Variants in DYNC2H1 observed in about 807,000 individuals in gnomAD.
The protein encoded by DYNC2H1 is cytoplasmic dynein 2 heavy chain 1.
A neutral mutation model predicts 570.0 loss-of-function variants in DYNC2H1; 410 were observed. The ratio of observed to expected loss-of-function variants is 0.72; its 90% CI spans 0.66 to 0.78. The LOEUF (loss-of-function observed/expected upper bound fraction) is 0.78. Ranked by LOEUF, DYNC2H1 falls within the 30% of genes least tolerant of loss-of-function variation. DYNC2H1 has a pLI of 0.00. For missense variants in DYNC2H1, 4,865 were observed against 5,046.4 expected, an observed-to-expected ratio of 0.96 and a Z score of 1.09; for synonymous variants, 1,688 against 1,677.6, an observed-to-expected ratio of 1.01 and a Z score of -0.15.
At chr11:103,208,214 A>G (rs972530528) in intron 52 of DYNC2H1, among the ~76,000 whole-genome samples, 2 of 152,112 alleles carry the variant, frequency 1.3e-5, no homozygotes, top group African/African-American at 4.8e-5. Flanking sequence ...TATTAGAGGG[A>G]TTATCTATAA....
In DYNC2H1 at chr11:103,200,081, A is replaced by G. The variant is rs1242035303; in HGVS notation, c.8124A>G (p.Val2708=). The G allele has an allele frequency of 5.7e-6, 9 of 1,590,174 alleles. No individual in the cohort carries two copies. The South Asian group carries it at 1.0e-4, about 18-fold the overall frequency. Residue 2708 remains valine (V), a synonymous_variant, in exon 50 of 89, where the codon GTA becomes GTG. Transcript: ENST00000375735. ...TTGCAGGAATTGAAGCACAACAGGT[A>G]GTTTTACTTCTTGAGGATTACCAGT... ...LQLAGIEAQQ[V]VLLLEDYQFV...
chr11:103,153,602 T>A, intron 22 of DYNC2H1, 94 bp downstream of exon 22: 1 of 1,123,992 alleles, frequency 8.9e-7, no homozygotes, highest in Non-Finnish European at 1.3e-6. Context: ...TCTTGATAAC[T>A]TTCCTCATAA....
At position 103,129,927 on chromosome 11, in the gene DYNC2H1, C is replaced by T. The variant is rs1268972873; in HGVS notation, c.1953+922C>T. 3.3e-5 allele frequency among the ~76,000 whole-genome samples: 5 copies of T among 152,088 alleles called. No individual in the cohort carries two copies. The highest frequency in any genetic ancestry group is 1.2e-4 in the African/African-American group (5 of 41,410). On this transcript the variant is annotated intron_variant, in intron 13 of 88. Coordinates refer to ENST00000375735, the MANE Select transcript of DYNC2H1 (RefSeq NM_001377.3). This position sits in a 1 kb window ranked among gnomAD's most constrained non-coding sequence, Gnocchi z 4.1. ...AGATTCTTTGATTTGCTCAGAGGAT[C>T]CACAGTACTCAGTGTATGGTCATAC...
intron 76 of DYNC2H1, 35 bp from the exon 77 acceptor site, chr11:103,304,560 G>T (rs1591549048): frequency 6.3e-7 from 1 of 1,598,972 alleles, no homozygotes; most frequent in African/African-American, 1.3e-5. Flanking sequence ...TAGCAGATCT[G>T]TTTTTAAATT....
intron 84 of DYNC2H1, chr11:103,402,045 A>G (rs1942667055): frequency 6.6e-6 from 1 of 152,148 alleles, no homozygotes; most frequent in East Asian, 1.9e-4. Context: ...AGGTTTCAAA[A>G]TATTCTGAGA....
rs10570242 is a variant in DYNC2H1 at position 103,461,726 on chromosome 11, GT to G, written c.12648+5382del. ...ATGTAAACATCCTTTGGTCTTCAAG[GT>G]TTTTTTTTTTTAATAATGTTTAATA... is the stretch of plus-strand genomic sequence containing the variant. On this transcript the variant is annotated intron_variant, in intron 87 of 88. Coordinates refer to ENST00000375735, the MANE Select transcript of DYNC2H1 (RefSeq NM_001377.3). The surrounding 1 kb of genome is among the most constrained non-coding windows in gnomAD (Gnocchi z 4.8). Among the ~76,000 whole-genome samples the G allele has an allele frequency of 0.34, 50,907 of 149,704 alleles. 8,679 individuals are homozygous for G. Among genetic ancestry groups the G allele is most frequent in the Admixed American group, 0.41 (6,177 of 15,080 alleles).
Position 103,205,829 on chromosome 11 carries a change from C to G in DYNC2H1, c.8454+865C>G, listed in dbSNP as rs1565394854. 6.6e-6 allele frequency among the ~76,000 whole-genome samples: 1 copy of G among 152,096 alleles called. No individual in the cohort carries two copies. The highest frequency in any genetic ancestry group is 2.4e-5 in the African/African-American group (1 of 41,414). ...CAGTAAGAGGCAACTTCACCTGGAG[C>G]AGAGTGATTGAGGGGAGAGTTGGTG... is the stretch of plus-strand genomic sequence containing the variant. On this transcript the variant is annotated intron_variant, in intron 52 of 88. Transcript: ENST00000375735. This position sits in a 1 kb window ranked among gnomAD's most constrained non-coding sequence, Gnocchi z 4.5.
At chr11:103,354,189 A>AC (rs1002303215) in intron 82 of DYNC2H1, among the ~76,000 whole-genome samples, 14 of 150,680 alleles carry the variant, frequency 9.3e-5, no homozygotes, top group African/African-American at 1.7e-4. Flanking sequence ...AACAAAAAAA[A>AC]AAAAAAAAAA....
At chr11:103,379,856 C>T (rs1246256054) in intron 83 of DYNC2H1, among the ~76,000 whole-genome samples, 1 of 152,184 alleles carries the variant, frequency 6.6e-6, no homozygotes, top group Non-Finnish European at 1.5e-5. Flanking sequence ...ATTTCCCCTT[C>T]TGTGTTTCTA....
At chr11:103,360,674 C>A (rs912645038) in intron 83 of DYNC2H1, among the ~76,000 whole-genome samples, 1 of 151,876 alleles carries the variant, frequency 6.6e-6, no homozygotes, top group African/African-American at 2.4e-5. Context: ...TTAATGAGTA[C>A]GTAATGTGTT....
In DYNC2H1 at chr11:103,268,082, G is replaced by A. The variant is rs894331505; in HGVS notation, c.10695+8105G>A. Among the ~76,000 whole-genome samples, 8 of 151,938 alleles carry A rather than the reference G, an allele frequency of 5.3e-5. No individual in the cohort carries two copies. Among genetic ancestry groups the A allele is most frequent in the African/African-American group, 1.9e-4 (8 of 41,408 alleles). On this transcript the variant is annotated intron_variant, in intron 70 of 88. Coordinates refer to ENST00000375735, the MANE Select transcript of DYNC2H1 (RefSeq NM_001377.3). This position sits in a 1 kb window ranked among gnomAD's most constrained non-coding sequence, Gnocchi z 4.6. Reference sequence around the variant, plus strand: ...ACACTTATTTTTATGTATAGTATAAGTATTTCTATTCAGTAAATTTCTGTA... The same window carrying A: ...ACACTTATTTTTATGTATAGTATAAATATTTCTATTCAGTAAATTTCTGTA...
intron 46 of DYNC2H1, 55 bp from the exon 47 acceptor site, chr11:103,192,042 A>G: frequency 7.6e-7 from 1 of 1,315,212 alleles, no homozygotes; most frequent in Admixed American, 2.3e-5. Context: ...TTTATGTTAA[A>G]CATATTATTT....
At chr11:103,125,706 A>G (rs1858961990) in intron 12 of DYNC2H1, among the ~76,000 whole-genome samples, 1 of 152,088 alleles carries the variant, frequency 6.6e-6, no homozygotes, top group African/African-American at 2.4e-5. Context: ...CCATCATTTC[A>G]CTTGTCTAAA....
At chr11:103,281,012 G>C (rs998886058) in intron 71 of DYNC2H1, among the ~76,000 whole-genome samples, 18 of 151,878 alleles carry the variant, frequency 1.2e-4, no homozygotes. Flanking sequence ...AAAGCTATTT[G>C]CAAGTAATTT....
chr11:103,449,408 C>A (rs905838972), intron 85 of DYNC2H1, among the ~76,000 whole-genome samples: 1 of 152,116 alleles, frequency 6.6e-6, no homozygotes, highest in African/African-American at 2.4e-5. Context: ...TTGTGCTTGC[C>A]TTTGGATCTT....
At position 103,298,954 on chromosome 11, in the gene DYNC2H1, T is replaced by C. The variant is rs998363045; in HGVS notation, c.11096-4139T>C. ...ATATGATTCTACAAAGCAAGACTTATGTGCTGGCAAAATCTACTACGTTAC... is the reference window on the plus strand; with the variant it reads ...ATATGATTCTACAAAGCAAGACTTACGTGCTGGCAAAATCTACTACGTTAC... On this transcript the variant is annotated intron_variant, in intron 75 of 88. Transcript: ENST00000375735. 1.6e-4 allele frequency among the ~76,000 whole-genome samples: 25 copies of C among 152,122 alleles called. 1 individual carries two copies. The highest frequency in any genetic ancestry group is 5.9e-5 in the Non-Finnish European group (4 of 67,994).
In DYNC2H1 at chr11:103,326,532, C is replaced by T. The variant is rs548823636; in HGVS notation, c.12039+2542C>T. On this transcript the variant is annotated intron_variant, in intron 82 of 88. Coordinates refer to ENST00000375735, the MANE Select transcript of DYNC2H1 (RefSeq NM_001377.3). This position sits in a 1 kb window ranked among gnomAD's most constrained non-coding sequence, Gnocchi z 6.1. ...CCAGTGTTGGCCGCAGATCTGGGCT[C>T]GGTACTCCTGAGCTGCAGACCGCAT... Among the ~76,000 whole-genome samples, 18 of 152,272 alleles carry T rather than the reference C, an allele frequency of 1.2e-4. No homozygotes were observed. Among genetic ancestry groups the T allele is most frequent in the South Asian group, 2.1e-4 (1 of 4,824 alleles).
At chr11:103,295,015 A>G (rs1866761459) in intron 75 of DYNC2H1, among the ~76,000 whole-genome samples, 1 of 152,160 alleles carries the variant, frequency 6.6e-6, no homozygotes. Flanking sequence ...GGGAGTGGTG[A>G]TGCAAGTACT....
chr11:103,405,955 G>C (rs189465283), intron 84 of DYNC2H1: 1 of 152,072 alleles, frequency 6.6e-6, no homozygotes, highest in East Asian at 1.9e-4. Flanking sequence ...GAATTCAAAG[G>C]GGCAGCTTCA....
Sources: gnomAD v4.1 joint callset for allele counts (sites outside exome capture counted in the v4.1 genomes callset) on GRCh38, gnomAD v4.1.1 for gene constraint, Gnocchi (gnomAD v3.1) non-coding constraint, MANE v1.5 for transcripts, NCBI Gene and HGNC (gene_info 2026-07-23, HGNC 2026-07-21) for gene names.